Variants in HACE1 observed in about 807,000 individuals in gnomAD.
The protein encoded by HACE1 is HECT domain and ankyrin repeat containing E3 ubiquitin protein ligase 1, also known as E3 ubiquitin-protein ligase HACE1.
A neutral mutation model predicts 118.4 loss-of-function variants in HACE1; 73 were observed. The observed-to-expected ratio is 0.62, with a 90% CI of 0.51 to 0.75. The LOEUF (loss-of-function observed/expected upper bound fraction) is 0.75, where lower values mean the gene tolerates loss of function less well. HACE1 is among the 30% of genes least tolerant of loss of function. The pLI, the probability that HACE1 is intolerant of heterozygous loss-of-function variation, is 0.00. For missense variants in HACE1, 749 were observed against 1,102.2 expected (o/e 0.68, Z 4.54); for synonymous variants, 368 against 374.8 (o/e 0.98, Z 0.21).
At chr6:104,737,700 G>A (rs1013883716) in intron 22 of HACE1, among the ~76,000 whole-genome samples, 2 of 152,174 alleles carry the variant, frequency 1.3e-5, no homozygotes, top group African/African-American at 4.8e-5. Context: ...CTCGCTGATT[G>A]CTAGCACAGC....
At chr6:104,804,649 A>C (rs970972119) in intron 7 of HACE1, among the ~76,000 whole-genome samples, 1 of 152,236 alleles carries the variant, frequency 6.6e-6, no homozygotes, top group Admixed American at 6.5e-5. Flanking sequence ...AAAACTGGCT[A>C]GCCATATGTA....
At chr6:104,831,986 G>GAGAAGA (rs1562471327) in intron 6 of HACE1, among the ~76,000 whole-genome samples, 2 of 37,434 alleles carry the variant, frequency 5.3e-5, no homozygotes, top group Non-Finnish European at 7.1e-5. Context: ...AAGAGAGGAA[G>GAGAAGA]GAAGGAAGGA....
At chr6:104,771,802 C>G in intron 18 of HACE1, 123 bp downstream of exon 18, 1 of 665,292 alleles carries the variant, frequency 1.5e-6, no homozygotes, top group South Asian at 1.8e-5. Context: ...CTTACATATA[C>G]AGATGGGCTC....
intron 19 of HACE1, among the ~76,000 whole-genome samples, chr6:104,762,906 T>C (rs6933978): frequency 0.57 from 84,334 of 148,342 alleles, 25,422 homozygotes; most frequent in African/African-American, 0.8. Flanking sequence ...AGGAAAATGG[T>C]GTGAACCTGG....
chr6:104,832,557 C>G (rs914139117), intron 6 of HACE1, among the ~76,000 whole-genome samples: 2 of 151,938 alleles, frequency 1.3e-5, no homozygotes, highest in Admixed American at 1.3e-4. Flanking sequence ...CCATACCCAG[C>G]TAAATTTTTT....
At chr6:104,782,876 T>A (rs1439920984) in intron 14 of HACE1, among the ~76,000 whole-genome samples, 1 of 152,216 alleles carries the variant, frequency 6.6e-6, no homozygotes. Context: ...TTACAACTAC[T>A]AACCAAACCA....
chr6:104,857,421 C>T (rs972069140), intron 1 of HACE1, among the ~76,000 whole-genome samples: 3 of 151,664 alleles, frequency 2.0e-5, no homozygotes, highest in African/African-American at 7.3e-5. Context: ...CACTCTCGGA[C>T]TGCTGGTGGA....
At chr6:104,858,457 T>A (rs1047540955) in intron 1 of HACE1, 1 of 384,814 alleles carries the variant, frequency 2.6e-6, no homozygotes, top group African/African-American at 2.2e-5. Context: ...TCCCAACACT[T>A]TGGGGGGAGC....
chr6:104,808,233 G>GA (rs1771235075), intron 7 of HACE1, among the ~76,000 whole-genome samples: 1 of 151,060 alleles, frequency 6.6e-6, no homozygotes, highest in South Asian at 2.1e-4. Context: ...AGAAACAAAA[G>GA]AAAACCCTGT....
At chr6:104,786,417 A>AC (rs1396936369) in intron 11 of HACE1, 2 of 150,760 alleles carry the variant, frequency 1.3e-5, no homozygotes, top group Admixed American at 6.6e-5. Context: ...TAAAAAAAAA[A>AC]AAGATGAGGA....
chr6:104,812,811 T>C (rs946666469), intron 6 of HACE1, among the ~76,000 whole-genome samples: 1 of 152,104 alleles, frequency 6.6e-6, no homozygotes, highest in Non-Finnish European at 1.5e-5. Flanking sequence ...ATAGGAATGG[T>C]TATGTAGAGC....
intron 6 of HACE1, among the ~76,000 whole-genome samples, chr6:104,823,526 G>A (rs990008364): frequency 1.1e-4 from 17 of 150,782 alleles, no homozygotes; most frequent in Middle Eastern, 3.2e-3. Context: ...AAAACAGCCC[G>A]ATGAAGATCC....
chr6:104,800,155 G>A (rs1469383813), intron 7 of HACE1, among the ~76,000 whole-genome samples: 4 of 152,040 alleles, frequency 2.6e-5, no homozygotes, highest in South Asian at 2.1e-4. Flanking sequence ...GCAGCCTGGC[G>A]GGGGTAGGGG....
intron 6 of HACE1, among the ~76,000 whole-genome samples, chr6:104,822,168 A>C (rs1772799810): frequency 6.9e-6 from 1 of 144,842 alleles, no homozygotes; most frequent in Non-Finnish European, 1.5e-5. Context: ...GGAGATCAAG[A>C]CCAGGAGATC....
intron 6 of HACE1, among the ~76,000 whole-genome samples, chr6:104,825,993 G>A (rs1361080750): frequency 6.6e-6 from 1 of 152,124 alleles, no homozygotes; most frequent in Non-Finnish European, 1.5e-5. Flanking sequence ...TGAGTGGCAG[G>A]CAAGTGAACA....
chr6:104,780,201 T>C (rs897993469), intron 14 of HACE1, among the ~76,000 whole-genome samples: 1 of 151,934 alleles, frequency 6.6e-6, no homozygotes, highest in Non-Finnish European at 1.5e-5. Context: ...AACCAAGAAA[T>C]AAAAACAAAT....
chr6:104,844,500 C>T (rs570696786), intron 4 of HACE1, among the ~76,000 whole-genome samples: 5 of 151,440 alleles, frequency 3.3e-5, no homozygotes, highest in East Asian at 3.9e-4. Context: ...TGCACCACCA[C>T]GCCAGGCTAA....
At chr6:104,840,399 G>A (rs1001005051) in intron 5 of HACE1, among the ~76,000 whole-genome samples, 5 of 152,142 alleles carry the variant, frequency 3.3e-5, no homozygotes, top group Non-Finnish European at 5.9e-5. Flanking sequence ...ACCACAGGGC[G>A]GGAGGAGGGG....
intron 1 of HACE1, among the ~76,000 whole-genome samples, chr6:104,853,662 T>A (rs1311690284): frequency 6.6e-6 from 1 of 152,040 alleles, no homozygotes; most frequent in East Asian, 1.9e-4. Flanking sequence ...AAAAGAAAAT[T>A]TATAGTGAAG....
Sources: gnomAD v4.1 joint callset for allele counts (sites outside exome capture counted in the v4.1 genomes callset) on GRCh38, gnomAD v4.1.1 for gene constraint, MANE v1.5 for transcripts, NCBI Gene and HGNC (gene_info 2026-07-23, HGNC 2026-07-21) for gene names.